The following NRXN1 variants were observed in gnomAD, a reference collection of about 807,000 sequenced individuals.
NRXN1 encodes neurexin-1.
Under a neutral mutation model 150.9 loss-of-function variants are expected in NRXN1, and 39 were observed. The ratio of observed to expected loss-of-function variants is 0.26; its 90% CI spans 0.20 to 0.34. NRXN1 has a LOEUF of 0.34. NRXN1 is among the 10% of genes least tolerant of loss of function. The pLI, the probability that NRXN1 is intolerant of heterozygous loss-of-function variation, is 1.00. For synonymous variants in NRXN1, 924 were observed against 757.0 expected (o/e 1.22, Z -3.62); for missense variants, 1,815 against 1,949.9 (o/e 0.93, Z 1.30).
At chr2:49,974,471 T>C (rs1678588334) in intron 21 of NRXN1, among the ~76,000 whole-genome samples, 1 of 152,224 alleles carries the variant, frequency 6.6e-6, no homozygotes. Flanking sequence ...TCCAGTGTGA[T>C]TGCTAAACAC....
chr2:50,523,459 T>C (rs2092853354), intron 12 of NRXN1, among the ~76,000 whole-genome samples: 1 of 152,168 alleles, frequency 6.6e-6, no homozygotes, highest in Non-Finnish European at 1.5e-5. Flanking sequence ...GAATATTTAC[T>C]TTATGTTAAC....
chr2:50,774,722 A>G (rs1188068638), intron 5 of NRXN1, among the ~76,000 whole-genome samples: 4 of 152,136 alleles, frequency 2.6e-5, no homozygotes, highest in Admixed American at 2.0e-4. Flanking sequence ...TTGAGTTTCA[A>G]TGACTCAAGT....
chr2:50,331,342 AG>A (rs1159468785), intron 17 of NRXN1, among the ~76,000 whole-genome samples: 1 of 152,186 alleles, frequency 6.6e-6, no homozygotes, highest in Non-Finnish European at 1.5e-5. Context: ...ATCTTTTCAA[AG>A]GATATTGAGA....
intron 21 of NRXN1, among the ~76,000 whole-genome samples, chr2:49,989,826 T>A (rs908763438): frequency 2.0e-5 from 3 of 152,178 alleles, no homozygotes; most frequent in Admixed American, 6.5e-5. Context: ...GTTTGACATT[T>A]TGTGGGTTAT....
At chr2:50,180,893 G>A (rs1198884709) in intron 18 of NRXN1, among the ~76,000 whole-genome samples, 1 of 152,058 alleles carries the variant, frequency 6.6e-6, no homozygotes, top group Admixed American at 6.6e-5. Flanking sequence ...TAAAATGACT[G>A]TCTTAATTTT....
chr2:50,731,481 T>C (rs1698107068), intron 5 of NRXN1, among the ~76,000 whole-genome samples: 3 of 152,142 alleles, frequency 2.0e-5, no homozygotes, highest in African/African-American at 7.2e-5. Context: ...ATCCGGCAGA[T>C]ACAGAAATAA....
At chr2:50,197,872 G>C (rs2061880212) in intron 18 of NRXN1, among the ~76,000 whole-genome samples, 1 of 152,008 alleles carries the variant, frequency 6.6e-6, no homozygotes, top group Non-Finnish European at 1.5e-5. Flanking sequence ...TTTTTTAAAG[G>C]CCTTATTGCA....
chr2:50,275,131 T>C (rs548487848), intron 17 of NRXN1, among the ~76,000 whole-genome samples: 2 of 152,332 alleles, frequency 1.3e-5, no homozygotes, highest in Admixed American at 6.5e-5. Context: ...GTGAGGCTAC[T>C]GGACTACAAT....
At chr2:50,052,630 G>C (rs914589072) in intron 21 of NRXN1, among the ~76,000 whole-genome samples, 9 of 152,196 alleles carry the variant, frequency 5.9e-5, no homozygotes, top group South Asian at 4.1e-4. Context: ...TTAGGCACAA[G>C]ATTGAAATAA....
intron 22 of NRXN1, among the ~76,000 whole-genome samples, chr2:49,922,690 A>C (rs1403184844): frequency 1.3e-5 from 2 of 152,194 alleles, no homozygotes; most frequent in African/African-American, 4.8e-5. Flanking sequence ...AGGACAACTA[A>C]ATTTAGGATT....
chr2:50,243,388 C>T (rs933301642), intron 17 of NRXN1, among the ~76,000 whole-genome samples: 1 of 151,582 alleles, frequency 6.6e-6, no homozygotes, highest in Non-Finnish European at 1.5e-5. Context: ...TGTCAAAACT[C>T]TAGGCTAAAG....
At chr2:50,512,188 T>A (rs1220783015) in intron 12 of NRXN1, among the ~76,000 whole-genome samples, 3 of 152,174 alleles carry the variant, frequency 2.0e-5, no homozygotes, top group Admixed American at 2.0e-4. Context: ...TGAATATCTC[T>A]AATGGTGCAA....
At chr2:50,371,869 T>C (rs2080055027) in intron 17 of NRXN1, among the ~76,000 whole-genome samples, 1 of 152,076 alleles carries the variant, frequency 6.6e-6, no homozygotes, top group Admixed American at 6.6e-5. Flanking sequence ...ATAACTCTGA[T>C]GGATAGCATG....
At chr2:50,546,208 A>G (rs2093490623) in intron 9 of NRXN1, among the ~76,000 whole-genome samples, 1 of 152,158 alleles carries the variant, frequency 6.6e-6, no homozygotes, top group African/African-American at 2.4e-5. Context: ...AGATAAGGAA[A>G]TGTATAGTAA....
At chr2:50,259,006 G>A (rs963791950) in intron 17 of NRXN1, among the ~76,000 whole-genome samples, 1 of 151,930 alleles carries the variant, frequency 6.6e-6, no homozygotes. Context: ...TAGAGCACAG[G>A]CAAAGCACAT....
intron 18 of NRXN1, among the ~76,000 whole-genome samples, chr2:50,137,358 A>G (rs942945565): frequency 6.6e-6 from 1 of 152,184 alleles, no homozygotes; most frequent in Non-Finnish European, 1.5e-5. Context: ...GCCTACAGCT[A>G]CTACCGTTTG....
chr2:50,266,512 A>G (rs2068894734), intron 17 of NRXN1, among the ~76,000 whole-genome samples: 1 of 146,924 alleles, frequency 6.8e-6, no homozygotes, highest in Admixed American at 6.8e-5. Flanking sequence ...TTACATATAA[A>G]ATATATTTAT....
chr2:50,564,765 C>G (rs924249206), intron 8 of NRXN1, among the ~76,000 whole-genome samples: 1 of 152,072 alleles, frequency 6.6e-6, no homozygotes, highest in Admixed American at 6.5e-5. Flanking sequence ...TGTTATTTTT[C>G]AATTATAACT....
At chr2:50,849,562 CTCACCCCAGTTA>C (rs1457997028) in intron 5 of NRXN1, among the ~76,000 whole-genome samples, 3 of 152,174 alleles carry the variant, frequency 2.0e-5, no homozygotes, top group African/African-American at 2.4e-5. Context: ...TTTCCACTTG[CTCACCCCAGTTA>C]TCAATAACTC....
Sources: allele counts gnomAD v4.1 joint callset (sites outside exome capture counted in the v4.1 genomes callset), GRCh38; gene constraint gnomAD v4.1.1; transcripts MANE v1.5; gene names NCBI Gene and HGNC (gene_info 2026-07-23, HGNC 2026-07-21).